Variants in DEPDC1B observed in about 807,000 individuals in gnomAD.
DEPDC1B encodes DEP domain containing 1B, also known as DEP domain-containing protein 1B.
In DEPDC1B, 51 loss-of-function variants were observed where a neutral mutation model predicts 66.5. That is an observed-to-expected ratio of 0.77 (90% CI 0.61 to 0.97). The LOEUF is 0.97. Among genes scored for constraint, DEPDC1B ranks in the 50% least tolerant of loss-of-function variants. The pLI is 0.00. For synonymous variants in DEPDC1B, 226 were observed against 223.6 expected (o/e 1.01, Z -0.10); for missense variants, 552 against 637.1 (o/e 0.87, Z 1.44).
At chr5:60,654,916 G>T (rs973227898) in intron 2 of DEPDC1B, among the ~76,000 whole-genome samples, 3 of 148,802 alleles carry the variant, frequency 2.0e-5, no homozygotes, top group East Asian at 4.1e-4. Flanking sequence ...TGTTTATGTG[G>T]TATATCACAT....
intron 2 of DEPDC1B, among the ~76,000 whole-genome samples, chr5:60,669,952 T>TAA (rs890225151): frequency 6.6e-6 from 1 of 151,950 alleles, no homozygotes; most frequent in African/African-American, 2.4e-5. Context: ...TACAACCACT[T>TAA]AAAAAAGCAC....
chr5:60,688,090 T>C (rs1754463415), intron 1 of DEPDC1B, among the ~76,000 whole-genome samples: 1 of 152,048 alleles, frequency 6.6e-6, no homozygotes, highest in African/African-American at 2.4e-5. Context: ...GCTTATTATG[T>C]GAAAGGCATT....
At chr5:60,599,957 G>A (rs1321423601) in intron 9 of DEPDC1B, among the ~76,000 whole-genome samples, 1 of 152,000 alleles carries the variant, frequency 6.6e-6, no homozygotes, top group Non-Finnish European at 1.5e-5. Flanking sequence ...TTCCTCTAGG[G>A]CCACTGGGTT....
At chr5:60,667,703 G>GTATATAAAATGGATATTTTACATATA (rs1561383965) in intron 2 of DEPDC1B, among the ~76,000 whole-genome samples, 2 of 116,948 alleles carry the variant, frequency 1.7e-5, no homozygotes, top group African/African-American at 6.4e-5. Context: ...TATTTTACAT[G>GTATATAAAATGGATATTTTACATATA]TATATAAAAT....
chr5:60,638,193 A>AT (rs1167624084), intron 7 of DEPDC1B, among the ~76,000 whole-genome samples: 10 of 152,264 alleles, frequency 6.6e-5, no homozygotes, highest in Non-Finnish European at 1.3e-4. Context: ...AATATTGTTG[A>AT]TTTTTTTCCT....
intron 7 of DEPDC1B, 98 bp from the exon 8 acceptor site, chr5:60,605,954 TAA>T (rs1309311656): frequency 9.5e-7 from 1 of 1,052,416 alleles, no homozygotes; most frequent in Non-Finnish European, 1.3e-6. Context: ...TAAAATTACA[TAA>T]AATATTTTCA....
intron 9 of DEPDC1B, among the ~76,000 whole-genome samples, chr5:60,600,320 C>T (rs1307351140): frequency 1.3e-5 from 2 of 152,098 alleles, no homozygotes; most frequent in African/African-American, 4.8e-5. Flanking sequence ...AATAAATGAA[C>T]ATACATTAAA....
intron 1 of DEPDC1B, among the ~76,000 whole-genome samples, chr5:60,687,452 C>G (rs576354493): frequency 6.6e-6 from 1 of 151,646 alleles, no homozygotes; most frequent in South Asian, 2.1e-4. Flanking sequence ...TTCTTAGTGC[C>G]ATAGAACTAT....
chr5:60,633,698 A>G (rs1752975503), intron 7 of DEPDC1B, among the ~76,000 whole-genome samples: 1 of 152,158 alleles, frequency 6.6e-6, no homozygotes, highest in Non-Finnish European at 1.5e-5. Context: ...CTGAAAAGAG[A>G]AATGATAAAG....
At chr5:60,610,091 G>A (rs969240134) in intron 7 of DEPDC1B, among the ~76,000 whole-genome samples, 4 of 152,076 alleles carry the variant, frequency 2.6e-5, no homozygotes, top group African/African-American at 9.7e-5. Context: ...AAAATACCTG[G>A]TACATCATAG....
At chr5:60,638,144 G>T (rs992748440) in intron 7 of DEPDC1B, among the ~76,000 whole-genome samples, 7 of 152,080 alleles carry the variant, frequency 4.6e-5, no homozygotes, top group African/African-American at 1.7e-4. Context: ...AAGAAAATCT[G>T]ATTTCCAAGA....
At chr5:60,610,623 G>A (rs922586339) in intron 7 of DEPDC1B, among the ~76,000 whole-genome samples, 1 of 152,074 alleles carries the variant, frequency 6.6e-6, no homozygotes, top group Non-Finnish European at 1.5e-5. Context: ...CTAAACATTT[G>A]TAGAACCACA....
At chr5:60,604,452 C>T (rs1237030930) in intron 8 of DEPDC1B, among the ~76,000 whole-genome samples, 2 of 151,698 alleles carry the variant, frequency 1.3e-5, no homozygotes, top group African/African-American at 4.8e-5. Flanking sequence ...AACTCCTGAC[C>T]TCAGGTGATC....
In DEPDC1B at chr5:60,621,287, A is replaced by C. The variant is rs967783290; in HGVS notation, c.899-15431T>G. Among the ~76,000 whole-genome samples the C allele has an allele frequency of 9.2e-5, 14 of 151,624 alleles. No homozygotes were observed. In the South Asian group the frequency reaches 2.1e-3, roughly 23 times the overall value. On this transcript the variant is annotated intron_variant, in intron 7 of 10. Transcript: ENST00000265036. ...CATGTACACTAACTTAAAGTATAATAATAAAATTTTAAAAATAAAAATAAT... is the reference window on the plus strand; with the variant it reads ...CATGTACACTAACTTAAAGTATAATCATAAAATTTTAAAAATAAAAATAAT...
chr5:60,603,684 A>G (rs1752250493), intron 8 of DEPDC1B, 117 bp from the exon 9 acceptor site: 8 of 1,013,140 alleles, frequency 7.9e-6, no homozygotes, highest in African/African-American at 1.6e-5. Flanking sequence ...TGCATATTCT[A>G]CCAAGAGTAC....
intron 2 of DEPDC1B, among the ~76,000 whole-genome samples, chr5:60,660,477 A>G (rs1753688395): frequency 6.6e-6 from 1 of 152,236 alleles, no homozygotes; most frequent in Non-Finnish European, 1.5e-5. Flanking sequence ...CAGTATAAAC[A>G]AGAGCGTAGC....
At chr5:60,683,040 C>A (rs959631977) in intron 2 of DEPDC1B, among the ~76,000 whole-genome samples, 6 of 152,112 alleles carry the variant, frequency 3.9e-5, no homozygotes, top group African/African-American at 1.4e-4. Context: ...CAAAAATCCT[C>A]AACAAATTAC....
intron 2 of DEPDC1B, among the ~76,000 whole-genome samples, chr5:60,685,209 A>G (rs1050690458): frequency 2.0e-5 from 3 of 152,196 alleles, no homozygotes; most frequent in Non-Finnish European, 4.4e-5. Context: ...CATGTATGCA[A>G]CGGCCGGCTG....
intron 7 of DEPDC1B, among the ~76,000 whole-genome samples, chr5:60,614,749 G>C (rs1340904543): frequency 1.3e-5 from 2 of 152,088 alleles, no homozygotes; most frequent in Non-Finnish European, 2.9e-5. Context: ...CCAGCACTTT[G>C]GGCAGCCAAG....
Sources: allele counts gnomAD v4.1 joint callset (sites outside exome capture counted in the v4.1 genomes callset), GRCh38; gene constraint gnomAD v4.1.1; transcripts MANE v1.5; gene names NCBI Gene and HGNC (gene_info 2026-07-23, HGNC 2026-07-21).